The following POLA1 variants were observed in gnomAD, a reference collection of about 807,000 sequenced individuals.
The protein encoded by POLA1 is DNA polymerase alpha catalytic subunit.
POLA1 carries 15 observed loss-of-function variants against 124.0 expected under a neutral mutation model. That is an observed-to-expected ratio of 0.12 (90% CI 0.08 to 0.19). The LOEUF (loss-of-function observed/expected upper bound fraction) is 0.19. Among genes scored for constraint, POLA1 ranks in the 10% least tolerant of loss-of-function variants. POLA1 has a pLI of 1.00. For synonymous variants in POLA1, 408 were observed against 389.4 expected (o/e 1.05, Z -0.56); for missense variants, 886 against 1,103.4 (o/e 0.80, Z 2.79).
At chrX:24,878,659 A>G (rs1404350937) in intron 34 of POLA1, among the ~76,000 whole-genome samples, 4 of 110,141 alleles carry the variant, frequency 3.6e-5, no homozygotes, top group African/African-American at 1.3e-4. Flanking sequence ...CTACTAATAC[A>G]TACCCTGTCA....
intron 34 of POLA1, among the ~76,000 whole-genome samples, chrX:24,858,743 A>G (rs1003628643): frequency 8.9e-6 from 1 of 112,218 alleles, no homozygotes; most frequent in South Asian, 3.7e-4. Context: ...AACTTGTTTT[A>G]CTTAGCTACC....
chrX:24,932,440 C>T (rs1365552729), intron 36 of POLA1, among the ~76,000 whole-genome samples: 1 of 111,846 alleles, frequency 8.9e-6, no homozygotes, highest in East Asian at 2.8e-4. Context: ...CACGTTATTA[C>T]ACCCACAGAA....
intron 34 of POLA1, among the ~76,000 whole-genome samples, chrX:24,868,831 C>T (rs1363140451): frequency 8.9e-6 from 1 of 112,060 alleles, no homozygotes; most frequent in African/African-American, 3.2e-5. Context: ...AGTGGCTCCA[C>T]AGCATTCGGA....
chrX:24,810,913 A>C (rs1247256401), intron 28 of POLA1, 113 bp downstream of exon 28: 1 of 428,307 alleles, frequency 2.3e-6, no homozygotes, highest in Non-Finnish European at 4.1e-6. Context: ...GAAAATAATA[A>C]ACTTGGTGTC....
At chrX:24,896,199 A>T (rs1467174232) in intron 35 of POLA1, among the ~76,000 whole-genome samples, 1 of 111,136 alleles carries the variant, frequency 9.0e-6, no homozygotes. Context: ...GTGGGGAGGG[A>T]GGTGCCGCTG....
intron 15 of POLA1, among the ~76,000 whole-genome samples, chrX:24,728,289 A>G: frequency 8.9e-6 from 1 of 111,932 alleles, no homozygotes; most frequent in African/African-American, 3.2e-5. Context: ...TTCTTGAAGT[A>G]TTTTAAAGCT....
intron 26 of POLA1, among the ~76,000 whole-genome samples, chrX:24,758,930 A>T (rs1405365415): frequency 9.0e-6 from 1 of 111,494 alleles, no homozygotes; most frequent in African/African-American, 3.3e-5. Context: ...AAGTGCTGGG[A>T]TTACAGGCAT....
At chrX:24,793,879 C>T (rs2045556817) in intron 26 of POLA1, among the ~76,000 whole-genome samples, 1 of 111,289 alleles carries the variant, frequency 9.0e-6, no homozygotes, top group African/African-American at 3.3e-5. Context: ...GCCACCGTGC[C>T]CGTCCGAAGA....
At chrX:24,741,130 T>C (rs1931616600) in intron 20 of POLA1, among the ~76,000 whole-genome samples, 1 of 80,806 alleles carries the variant, frequency 1.2e-5, no homozygotes, top group Non-Finnish European at 2.7e-5. Flanking sequence ...TGTGTGTGTG[T>C]GTGTGTGTGT....
chrX:24,920,753 A>C (rs1409567574), intron 35 of POLA1, among the ~76,000 whole-genome samples: 1 of 112,111 alleles, frequency 8.9e-6, no homozygotes, highest in Non-Finnish European at 1.9e-5. Flanking sequence ...GGGAGAAACC[A>C]TAATGCAAAG....
At chrX:24,722,456 A>C (rs1930258483) in intron 10 of POLA1, among the ~76,000 whole-genome samples, 1 of 112,532 alleles carries the variant, frequency 8.9e-6, no homozygotes, top group Non-Finnish European at 1.9e-5. Context: ...GTGAGGTAGA[A>C]AAGGTGAAAT....
chrX:24,707,281 G>C (rs1248859032), intron 4 of POLA1, among the ~76,000 whole-genome samples: 1 of 112,317 alleles, frequency 8.9e-6, no homozygotes, highest in African/African-American at 3.2e-5. Context: ...CTGTAAATTA[G>C]GAAGTTGGAA....
intron 23 of POLA1, chrX:24,744,606 T>G (rs769100859): frequency 3.0e-6 from 1 of 334,176 alleles, no homozygotes; most frequent in Non-Finnish European, 5.6e-6. Context: ...TTAGCTCAGT[T>G]TTTGTACAGG....
Position 24,717,223 on chromosome X carries a change from G to T in POLA1, c.707-67G>T, listed in dbSNP as rs879209190. 94 of 899,868 alleles carry T rather than the reference G, an allele frequency of 1.0e-4. 1 individual carries two copies. Among genetic ancestry groups the T allele is most frequent in the South Asian group, 9.1e-4 (44 of 48,121 alleles). 74.2% of individuals were successfully genotyped at this position (899,868 alleles called of 1,213,427 possible). A position where few individuals can be genotyped will look rare whatever the true frequency, so the allele number is the denominator to read the frequency against. ...GTTGGATAAGCCTTTGTGCGCCTTTGTGTGCCTTTGTGTGCCTTTGTGTCA... is the reference window on the plus strand; with the variant it reads ...GTTGGATAAGCCTTTGTGCGCCTTTTTGTGCCTTTGTGTGCCTTTGTGTCA... On this transcript the variant is annotated intron_variant, in intron 8 of 36. Coordinates refer to ENST00000379068, the MANE Select transcript of POLA1 (RefSeq NM_001330360.2).
intron 26 of POLA1, among the ~76,000 whole-genome samples, chrX:24,758,952 C>T (rs1932750912): frequency 9.0e-6 from 1 of 111,730 alleles, no homozygotes; most frequent in South Asian, 3.8e-4. Flanking sequence ...AGCCACTGTG[C>T]CTGGCCTGCA....
intron 36 of POLA1, among the ~76,000 whole-genome samples, chrX:24,943,854 G>A (rs887308273): frequency 6.3e-5 from 7 of 111,507 alleles, no homozygotes; most frequent in Admixed American, 9.5e-5. Flanking sequence ...CTTGTTGTAC[G>A]GCAGGAATTA....
chrX:24,917,117 C>A (rs1453243219), intron 35 of POLA1, among the ~76,000 whole-genome samples: 1 of 110,885 alleles, frequency 9.0e-6, no homozygotes, highest in African/African-American at 3.3e-5. Flanking sequence ...CATGGTGAAA[C>A]CCCGTCTCTA....
At chrX:24,933,889 A>G (rs1198598004) in intron 36 of POLA1, among the ~76,000 whole-genome samples, 2 of 112,387 alleles carry the variant, frequency 1.8e-5, no homozygotes, top group African/African-American at 6.5e-5. Flanking sequence ...ATGGTAAAGG[A>G]CTGTTATTCA....
intron 35 of POLA1, among the ~76,000 whole-genome samples, chrX:24,897,084 G>C (rs2047215496): frequency 8.9e-6 from 1 of 111,924 alleles, no homozygotes; most frequent in African/African-American, 3.3e-5. Context: ...TATTGGATGA[G>C]AAGGGTCATG....
Sources: allele counts gnomAD v4.1 joint callset (sites outside exome capture counted in the v4.1 genomes callset), GRCh38; gene constraint gnomAD v4.1.1; transcripts MANE v1.5; gene names NCBI Gene and HGNC (gene_info 2026-07-23, HGNC 2026-07-21).